The following NPTN variants were observed in gnomAD, a reference collection of about 807,000 sequenced individuals.
NPTN encodes the protein neuroplastin, also known as SDR-1.
Under a neutral mutation model 42.7 loss-of-function variants are expected in NPTN, and 5 were observed. That is an observed-to-expected ratio of 0.12 (90% CI 0.06 to 0.25). The LOEUF (loss-of-function observed/expected upper bound fraction) is 0.25. NPTN is among the 10% of genes least tolerant of loss of function. The probability of loss-of-function intolerance (pLI) is 1.00; values close to 1 mark genes in which losing one functional copy is unlikely to be tolerated. For synonymous variants in NPTN, 180 were observed against 201.9 expected (o/e 0.89, Z 0.92); for missense variants, 307 against 525.4 (o/e 0.58, Z 4.06).
At chr15:73,605,099 A>AGGG (rs374734778) in intron 1 of NPTN, among the ~76,000 whole-genome samples, 10 of 121,682 alleles carry the variant, frequency 8.2e-5, no homozygotes, top group African/African-American at 2.9e-4. Context: ...CCCTGTCTCA[A>AGGG]GGGGGGGGGG....
chr15:73,627,784 T>C lies in NPTN; in HGVS notation c.91+5341A>G, dbSNP rs116730727. 4.2e-3 allele frequency among the ~76,000 whole-genome samples: 642 copies of C among 152,326 alleles called. 1 individual carries two copies. The highest frequency in any genetic ancestry group is 0.015 in the African/African-American group (620 of 41,580). On this transcript the variant is annotated intron_variant, in intron 1 of 8. Transcript: ENST00000345330. ...TCTCCTTCCTAAACTGAATAGATCC[T>C]TAAAAAGCAGATATATTTTACTTGT...
intron 4 of NPTN, among the ~76,000 whole-genome samples, chr15:73,580,992 T>A (rs1177880788): frequency 6.6e-6 from 1 of 152,110 alleles, no homozygotes; most frequent in Non-Finnish European, 1.5e-5. Flanking sequence ...AAATTACATC[T>A]CCATACTAAT....
At chr15:73,600,146 C>T (rs575154553) in intron 1 of NPTN, among the ~76,000 whole-genome samples, 1 of 152,310 alleles carries the variant, frequency 6.6e-6, no homozygotes, top group East Asian at 1.9e-4. Flanking sequence ...TCATGCCACC[C>T]TGGGCAAGAC....
intron 4 of NPTN, among the ~76,000 whole-genome samples, chr15:73,586,728 A>C (rs1429274705): frequency 6.6e-6 from 1 of 152,184 alleles, no homozygotes; most frequent in Non-Finnish European, 1.5e-5. Context: ...AATGAGAAAG[A>C]CTGAAAATAA....
In NPTN at chr15:73,597,409, C is replaced by CAA; in HGVS notation, c.92-41_92-40insTT. On this transcript the variant is annotated intron_variant, in intron 1 of 8. Transcript: ENST00000345330. This position sits in a 1 kb window ranked among gnomAD's most constrained non-coding sequence, Gnocchi z 6.3. ...AGCAGGAATGCAGTGACAGGCCAAT[C>CAA]AGAAAAAAAAAAAAGAATCAACAGG... 1 of 1,176,510 alleles carries CAA rather than the reference C, an allele frequency of 8.5e-7. No individual in the cohort carries two copies. The highest frequency in any genetic ancestry group is 1.2e-6 in the Non-Finnish European group (1 of 860,362). The allele number at this position is 1,176,510 out of a possible 1,614,324, so 72.9% of individuals were successfully genotyped here.
chr15:73,567,516 A>T (rs1895099827), intron 6 of NPTN: 9 of 985,394 alleles, frequency 9.1e-6, no homozygotes, highest in Non-Finnish European at 1.1e-5. Flanking sequence ...ATGGGAAGGA[A>T]GCAGACAGGT....
chr15:73,633,267 C>CGGGGAA lies in NPTN; in HGVS notation c.-58_-53dup, dbSNP rs746727795. The CGGGGAA allele has an allele frequency of 5.4e-6, 2 of 369,122 alleles. No homozygotes were observed. The highest frequency in any genetic ancestry group is 8.2e-5 in the Admixed American group (2 of 24,498). The allele number at this position is 369,122 out of a possible 1,614,324, so 22.9% of individuals were successfully genotyped here. ...AATGGGCCGGGGCCAGAGCCGGGGC[C>CGGGGAA]GGGGAAGGGAGGGGAGGGAGGGAGG... On this transcript the variant is annotated 5_prime_UTR_variant, in exon 1 of 9. Coordinates refer to ENST00000345330, the MANE Select transcript of NPTN (RefSeq NM_012428.4).
chr15:73,615,572 A>T (rs1190123205), intron 1 of NPTN, among the ~76,000 whole-genome samples: 1 of 152,130 alleles, frequency 6.6e-6, no homozygotes, highest in African/African-American at 2.4e-5. Context: ...ATTTAATCCA[A>T]ACACATTTTA....
chr15:73,562,857 A>C (rs1351480078), intron 7 of NPTN, among the ~76,000 whole-genome samples: 1 of 152,192 alleles, frequency 6.6e-6, no homozygotes, highest in Non-Finnish European at 1.5e-5. Context: ...ACATTCCTTA[A>C]GTAGCTACAG....
At chr15:73,606,679 A>C (rs1287448735) in intron 1 of NPTN, among the ~76,000 whole-genome samples, 1 of 152,240 alleles carries the variant, frequency 6.6e-6, no homozygotes, top group Non-Finnish European at 1.5e-5. Flanking sequence ...AATTTTAATT[A>C]ATTAAAAGAA....
intron 4 of NPTN, among the ~76,000 whole-genome samples, chr15:73,576,769 T>G (rs1209967010): frequency 6.6e-6 from 1 of 152,240 alleles, no homozygotes; most frequent in Non-Finnish European, 1.5e-5. Context: ...TCTGAGATTC[T>G]TCATGGAACA....
chr15:73,632,556 T>G (rs1898809642), intron 1 of NPTN: 1 of 152,396 alleles, frequency 6.6e-6, no homozygotes, highest in Non-Finnish European at 1.5e-5. Context: ...GATCCAAGGT[T>G]CCCTGATTCT....
intron 4 of NPTN, among the ~76,000 whole-genome samples, chr15:73,586,820 C>T (rs1423308808): frequency 6.6e-6 from 1 of 152,180 alleles, no homozygotes; most frequent in Admixed American, 6.5e-5. Context: ...GGGGTCAAGA[C>T]CTGTGTTCTA....
intron 4 of NPTN, among the ~76,000 whole-genome samples, chr15:73,578,206 G>A (rs1895797079): frequency 6.6e-6 from 1 of 152,136 alleles, no homozygotes; most frequent in South Asian, 2.1e-4. Flanking sequence ...GTTACAGTGA[G>A]TCAGCCGGGA....
Position 73,568,735 on chromosome 15 carries a change from C to T in NPTN, c.1114+1415G>A, listed in dbSNP as rs1819659330. On this transcript the variant is annotated intron_variant, in intron 6 of 8. Transcript: ENST00000345330. ...GCAGAGGCCGTCTGCTCCCAGCCAA[C>T]GTCCTTCCCACGCCTCTGCCCAGCT... 8.1e-6 allele frequency: 8 copies of T among 985,430 alleles called. No homozygotes were observed. In the Admixed American group the frequency reaches 3.1e-4, roughly 38 times the overall value. The allele number at this position is 985,430 out of a possible 1,614,324, so 61.0% of individuals were successfully genotyped here. A position where few individuals can be genotyped will look rare whatever the true frequency, so the allele number is the denominator to read the frequency against.
At chr15:73,575,489 A>T (rs1895643100) in intron 4 of NPTN, among the ~76,000 whole-genome samples, 1 of 152,252 alleles carries the variant, frequency 6.6e-6, no homozygotes, top group African/African-American at 2.4e-5. Flanking sequence ...GATAGGAAAG[A>T]GAATCGATAT....
intron 1 of NPTN, among the ~76,000 whole-genome samples, chr15:73,603,209 A>T (rs1362679922): frequency 6.6e-6 from 1 of 152,260 alleles, no homozygotes; most frequent in African/African-American, 2.4e-5. Context: ...GAGATAACAT[A>T]GCTTAAAACA....
intron 3 of NPTN, among the ~76,000 whole-genome samples, chr15:73,588,607 C>T (rs1398514606): frequency 4.6e-5 from 7 of 152,240 alleles, no homozygotes; most frequent in South Asian, 4.1e-4. Flanking sequence ...CAAGCTTGTT[C>T]GCACCTCAAA....
At chr15:73,588,586 T>C (rs1450362864) in intron 3 of NPTN, among the ~76,000 whole-genome samples, 2 of 152,182 alleles carry the variant, frequency 1.3e-5, no homozygotes, top group Non-Finnish European at 2.9e-5. Context: ...CTCTTCAGTT[T>C]TTCAATGCAC....
Sources: allele counts gnomAD v4.1 joint callset (sites outside exome capture counted in the v4.1 genomes callset), GRCh38; gene constraint gnomAD v4.1.1; non-coding constraint Gnocchi (gnomAD v3.1); transcripts MANE v1.5; gene names NCBI Gene and HGNC (gene_info 2026-07-23, HGNC 2026-07-21).